GPC6: variants seen among roughly 807,000 people sequenced by gnomAD.
The protein encoded by GPC6 is glypican-6.
GPC6 carries 14 observed loss-of-function variants against 55.2 expected under a neutral mutation model. That is an observed-to-expected ratio of 0.25 (90% confidence interval 0.17 to 0.40). The LOEUF (loss-of-function observed/expected upper bound fraction) is 0.40, where lower values mean the gene tolerates loss of function less well. GPC6 is among the 10% of genes least tolerant of loss of function. The pLI, the probability that GPC6 is intolerant of heterozygous loss-of-function variation, is 1.00. For missense variants in GPC6, 641 were observed against 708.5 expected (o/e 0.90, Z 1.08); for synonymous variants, 278 against 259.6 (o/e 1.07, Z -0.68).
In GPC6 at chr13:93,402,439, C is replaced by A. The variant is rs569190112; in HGVS notation, c.161-142824C>A. ...TGATTTTCTAATCTGTAAAAGCAGG[C>A]CCCTGGATAAGATGCTCTCTGGGGT... On this transcript the variant is annotated intron_variant, in intron 1 of 8. Transcript: ENST00000377047. Among the ~76,000 whole-genome samples the A allele has an allele frequency of 1.7e-4, 26 of 152,196 alleles. 1 individual carries two copies. Among genetic ancestry groups the A allele is most frequent in the Non-Finnish European group, 3.1e-4 (21 of 68,006 alleles).
chr13:94,110,030 C>G lies in GPC6; in HGVS notation c.877+82136C>G, dbSNP rs1378719845. ...CAAAAGTTAATTATCTTGAGTGTCC[C>G]AGATAAAAACAAATGTTTCATCACC... On this transcript the variant is annotated intron_variant, in intron 4 of 8. Coordinates refer to ENST00000377047, the MANE Select transcript of GPC6 (RefSeq NM_005708.5). Among the ~76,000 whole-genome samples the G allele has an allele frequency of 2.9e-5, 4 of 136,506 alleles. No homozygotes were observed. The East Asian group carries it at 8.7e-4, about 30-fold the overall frequency. The allele number at this position is 136,506 out of a possible 152,430, so 89.6% of individuals were successfully genotyped here. A position where few individuals can be genotyped will look rare whatever the true frequency, so the allele number is the denominator to read the frequency against.
intron 1 of GPC6, among the ~76,000 whole-genome samples, chr13:93,459,630 T>C (rs763692581): frequency 2.0e-5 from 3 of 152,202 alleles, no homozygotes; most frequent in Non-Finnish European, 4.4e-5. Flanking sequence ...TATTCTAATC[T>C]GTAAGTATCA....
At chr13:93,259,583 T>A (rs762930305) in intron 1 of GPC6, among the ~76,000 whole-genome samples, 47 of 152,148 alleles carry the variant, frequency 3.1e-4, no homozygotes, top group Non-Finnish European at 6.0e-4. Flanking sequence ...GTCTTTTGTT[T>A]GTTTGCTTGT....
At chr13:94,193,413 G>T (rs1275322052) in intron 4 of GPC6, among the ~76,000 whole-genome samples, 2 of 152,204 alleles carry the variant, frequency 1.3e-5, no homozygotes, top group Non-Finnish European at 2.9e-5. Context: ...GGAGGGGGCC[G>T]CCATTCCTGA....
intron 3 of GPC6, among the ~76,000 whole-genome samples, chr13:93,918,154 T>C (rs1240458496): frequency 6.6e-6 from 1 of 152,086 alleles, no homozygotes; most frequent in Admixed American, 6.6e-5. Flanking sequence ...AAGATGACTT[T>C]AGTATAGCTG....
At chr13:94,306,628 TCC>T (rs1281578851) in intron 6 of GPC6, among the ~76,000 whole-genome samples, 1 of 152,186 alleles carries the variant, frequency 6.6e-6, no homozygotes, top group African/African-American at 2.4e-5. Context: ...AAAGTTGGAA[TCC>T]TTAGAATTAG....
At chr13:93,761,372 T>C (rs1171749501) in intron 2 of GPC6, among the ~76,000 whole-genome samples, 10 of 152,208 alleles carry the variant, frequency 6.6e-5, no homozygotes, top group Non-Finnish European at 1.2e-4. Flanking sequence ...AACTAGCACA[T>C]GGAGGCACAT....
chr13:93,496,817 T>C (rs1010981146), intron 1 of GPC6, among the ~76,000 whole-genome samples: 2 of 152,220 alleles, frequency 1.3e-5, no homozygotes, highest in African/African-American at 2.4e-5. Context: ...TTAATATTTG[T>C]GAAGTGCTTT....
intron 4 of GPC6, among the ~76,000 whole-genome samples, chr13:94,261,484 G>C (rs140415016): frequency 6.6e-6 from 1 of 152,258 alleles, no homozygotes; most frequent in East Asian, 1.9e-4. Context: ...TATAAATAAG[G>C]ATTTAGTGTT....
chr13:94,163,586 T>C (rs527384566), intron 4 of GPC6, among the ~76,000 whole-genome samples: 4 of 152,328 alleles, frequency 2.6e-5, no homozygotes, highest in African/African-American at 7.2e-5. Context: ...ATACTTGACT[T>C]GATAATCTAG....
At chr13:93,662,544 C>T (rs920744744) in intron 2 of GPC6, among the ~76,000 whole-genome samples, 5 of 151,950 alleles carry the variant, frequency 3.3e-5, no homozygotes, top group Admixed American at 6.6e-5. Context: ...GCAGGAGAAT[C>T]GTTTGAACCC....
At chr13:93,487,484 T>A (rs1879772961) in intron 1 of GPC6, among the ~76,000 whole-genome samples, 1 of 152,210 alleles carries the variant, frequency 6.6e-6, no homozygotes, top group African/African-American at 2.4e-5. Context: ...TTGCTGTTAT[T>A]ATCTGAAGGA....
Position 93,847,306 on chromosome 13 carries a change from A to G in GPC6, c.711+16761A>G, listed in dbSNP as rs11839253. ...CTGTGGATGTTAGTATCAGCAGTAA[A>G]CGAAATAAATAAATGCCCAATTATG... On this transcript the variant is annotated intron_variant, in intron 3 of 8. Transcript: ENST00000377047. Among the ~76,000 whole-genome samples, 1,433 of 152,188 alleles carry G rather than the reference A, an allele frequency of 9.4e-3. 19 individuals carry two copies. The highest frequency in any genetic ancestry group is 0.033 in the African/African-American group (1,374 of 41,524).
chr13:93,461,741 A>T (rs774299553), intron 1 of GPC6, among the ~76,000 whole-genome samples: 3 of 152,110 alleles, frequency 2.0e-5, no homozygotes, highest in African/African-American at 7.2e-5. Flanking sequence ...TTACCAGCCT[A>T]TTGTTCCCAA....
At chr13:94,368,545 T>A (rs555585757) in intron 6 of GPC6, among the ~76,000 whole-genome samples, 2 of 152,196 alleles carry the variant, frequency 1.3e-5, no homozygotes, top group Non-Finnish European at 2.9e-5. Context: ...AAGGGAAAAC[T>A]GATATTCTAG....
chr13:94,326,006 C>T (rs560202979), intron 6 of GPC6, among the ~76,000 whole-genome samples: 1 of 152,260 alleles, frequency 6.6e-6, no homozygotes, highest in South Asian at 2.1e-4. Context: ...CTACCAGGGA[C>T]AAGCAATTCC....
chr13:94,314,298 A>G (rs1876407397), intron 6 of GPC6, among the ~76,000 whole-genome samples: 1 of 152,220 alleles, frequency 6.6e-6, no homozygotes, highest in South Asian at 2.1e-4. Flanking sequence ...ATGAATAATC[A>G]TTGGCCAAAT....
At chr13:93,739,619 C>T (rs1361436532) in intron 2 of GPC6, among the ~76,000 whole-genome samples, 6 of 151,958 alleles carry the variant, frequency 3.9e-5, no homozygotes, top group Admixed American at 2.0e-4. Flanking sequence ...CTAGTAGAGA[C>T]GGAGTTTCAC....
intron 2 of GPC6, among the ~76,000 whole-genome samples, chr13:93,756,825 G>A (rs899427479): frequency 1.3e-5 from 2 of 152,168 alleles, no homozygotes; most frequent in Non-Finnish European, 2.9e-5. Flanking sequence ...TTAGAGGCTT[G>A]ATAGGGAGTG....
Sources: gnomAD v4.1 joint callset for allele counts (sites outside exome capture counted in the v4.1 genomes callset) on GRCh38, gnomAD v4.1.1 for gene constraint, MANE v1.5 for transcripts, NCBI Gene and HGNC (gene_info 2026-07-23, HGNC 2026-07-21) for gene names.